The following USP24 variants were observed in gnomAD, a reference collection of about 807,000 sequenced individuals.
USP24 encodes ubiquitin specific peptidase 24, also known as ubiquitin carboxyl-terminal hydrolase 24.
Under a neutral mutation model 361.6 loss-of-function variants are expected in USP24, and 97 were observed. The ratio of observed to expected loss-of-function variants is 0.27; its 90% CI spans 0.23 to 0.32. USP24 has a LOEUF of 0.32. USP24 is among the 10% of genes least tolerant of loss of function. The pLI is 1.00. For synonymous variants in USP24, 1,098 were observed against 1,124.6 expected, an observed-to-expected ratio of 0.98 and a Z score of 0.47; for missense variants, 2,353 against 3,165.6, an observed-to-expected ratio of 0.74 and a Z score of 6.16.
intron 32 of USP24, among the ~76,000 whole-genome samples, chr1:55,125,987 C>T (rs1190955244): frequency 1.3e-5 from 2 of 152,180 alleles, no homozygotes; most frequent in African/African-American, 4.8e-5. Context: ...AACCTATTTT[C>T]AAAAGACCCA....
intron 1 of USP24, among the ~76,000 whole-genome samples, chr1:55,196,730 T>C (rs903348846): frequency 6.6e-6 from 1 of 152,220 alleles, no homozygotes; most frequent in African/African-American, 2.4e-5. Flanking sequence ...TCTCACCAGA[T>C]CATGGTATCT....
intron 2 of USP24, 141 bp downstream of exon 2, chr1:55,177,826 C>G (rs1025549975): frequency 5.4e-6 from 4 of 739,646 alleles, no homozygotes; most frequent in African/African-American, 5.4e-5. Flanking sequence ...CAAAGCTTTT[C>G]TTCTGCAGGA....
chr1:55,170,411 T>C (rs1023784764), intron 5 of USP24, among the ~76,000 whole-genome samples: 6 of 152,184 alleles, frequency 3.9e-5, no homozygotes, highest in African/African-American at 1.4e-4. Flanking sequence ...AGTATTTCTA[T>C]GTGTATTTGT....
At chr1:55,141,553 A>C (rs541707636) in intron 24 of USP24, 63 bp downstream of exon 24, 6 of 1,398,932 alleles carry the variant, frequency 4.3e-6, no homozygotes, top group Admixed American at 2.0e-5. Flanking sequence ...TACATAAAAA[A>C]CACCAATCAT....
chr1:55,141,827 C>G, intron 23 of USP24, 96 bp from the exon 24 acceptor site: 1 of 1,069,090 alleles, frequency 9.4e-7, no homozygotes, highest in Non-Finnish European at 1.4e-6. Context: ...AGAGGGCTGT[C>G]CTGGGCATTC....
Position 55,214,954 on chromosome 1 carries a change from C to A in USP24, c.160G>T (p.Glu54Ter). 7.0e-7 allele frequency: 1 copy of A among 1,422,648 alleles called. No homozygotes were observed. The highest frequency in any genetic ancestry group is 9.2e-7 in the Non-Finnish European group (1 of 1,082,702). 88.1% of individuals were successfully genotyped at this position (1,422,648 alleles called of 1,614,324 possible). Residue 54 changes from glutamate to a stop codon, truncating the protein, a stop_gained, in exon 1 of 68, where the codon GAG becomes TAG. Transcript: ENST00000294383. LOFTEE classifies it high-confidence loss of function. Reference sequence around the variant, plus strand: ...GGGCCACCGCCGCTGTCCATGGGCTCGTAGCCGCCGTAGTCGAGGCCCGGC... The same window carrying A: ...GGGCCACCGCCGCTGTCCATGGGCTAGTAGCCGCCGTAGTCGAGGCCCGGC... Reference protein sequence around the residue: ...ERPGLDYGGYEPMDSGGGPSP... With the variant: ...ERPGLDYGGY
chr1:55,187,781 A>T (rs1324326459), intron 1 of USP24, among the ~76,000 whole-genome samples: 2 of 152,208 alleles, frequency 1.3e-5, no homozygotes, highest in African/African-American at 4.8e-5. Context: ...AAATTATAAG[A>T]ACTAAATAAA....
intron 2 of USP24, 114 bp downstream of exon 2, chr1:55,177,852 AG>A: frequency 1.0e-6 from 1 of 985,104 alleles, no homozygotes. Context: ...GTGAAGACTA[AG>A]AGAATAAATG....
intron 30 of USP24, 104 bp downstream of exon 30, chr1:55,133,963 CATT>C (rs1336966719): frequency 5.6e-6 from 6 of 1,063,354 alleles, no homozygotes; most frequent in African/African-American, 1.6e-5. Flanking sequence ...GAAGAAAAAA[CATT>C]ATGGGAAAGA....
chr1:55,069,455 C>G (rs369346387), intron 67 of USP24, among the ~76,000 whole-genome samples: 11 of 152,336 alleles, frequency 7.2e-5, no homozygotes, highest in Admixed American at 4.6e-4. Context: ...GCCTCCCTGC[C>G]CTGCACCTGC....
At chr1:55,119,884 T>C (rs1248300366) in intron 38 of USP24, among the ~76,000 whole-genome samples, 7 of 152,142 alleles carry the variant, frequency 4.6e-5, no homozygotes, top group Admixed American at 4.6e-4. Flanking sequence ...AGTGTTTCAG[T>C]TTAGGATGAT....
intron 20 of USP24, 52 bp from the exon 21 acceptor site, chr1:55,144,255 A>G (rs746633576): frequency 8.0e-7 from 1 of 1,246,354 alleles, no homozygotes. Flanking sequence ...AACACAGATA[A>G]TCAATGAAAA....
intron 38 of USP24, 116 bp downstream of exon 38, chr1:55,120,480 G>GA: frequency 8.0e-7 from 1 of 1,256,038 alleles, no homozygotes. Flanking sequence ...AATTTCAGAA[G>GA]AAGAAAGAAA....
rs1393766656 is a variant in USP24, at chr1:55,214,910, CCCGCCGGGCCCGGGGCTGGGGCCA to C, written c.180_203del (p.Ser63_Pro70del). On this transcript the variant is annotated inframe_deletion, in exon 1 of 68. Transcript: ENST00000294383. ...CACCTCCGCCGTCGCCCCGCGGGCC[CCCGCCGGGCCCGGGGCTGGGGCCA>C]CCGCCGCTGTCCATGGGCTCGTAGC... is the stretch of plus-strand genomic sequence containing the variant. 5 of 1,289,494 alleles carry C rather than the reference CCCGCCGGGCCCGGGGCTGGGGCCA, an allele frequency of 3.9e-6. No homozygotes were observed. The highest frequency in any genetic ancestry group is 6.7e-5 in the Admixed American group (2 of 29,828). The allele number at this position is 1,289,494 out of a possible 1,614,324, so 79.9% of individuals were successfully genotyped here.
At chr1:55,082,424 T>C (rs1011571073) in intron 58 of USP24, among the ~76,000 whole-genome samples, 3 of 152,224 alleles carry the variant, frequency 2.0e-5, no homozygotes, top group Non-Finnish European at 4.4e-5. Flanking sequence ...TAGCATTTCA[T>C]GTATTTTGAA....
intron 49 of USP24, 97 bp downstream of exon 49, chr1:55,096,855 T>C (rs1340912399): frequency 1.1e-5 from 16 of 1,456,552 alleles, no homozygotes; most frequent in South Asian, 3.9e-5. Context: ...TCAAGAACAA[T>C]GCCAAAGTGT....
chr1:55,187,337 A>T (rs569753776), intron 1 of USP24, among the ~76,000 whole-genome samples: 1 of 152,342 alleles, frequency 6.6e-6, no homozygotes, highest in South Asian at 2.1e-4. Context: ...TACAGTGAAC[A>T]TCATATTTAA....
At chr1:55,142,256 T>A (rs1250650058) in intron 23 of USP24, among the ~76,000 whole-genome samples, 1 of 152,148 alleles carries the variant, frequency 6.6e-6, no homozygotes, top group Non-Finnish European at 1.5e-5. Flanking sequence ...GAGATACATG[T>A]GAGCTAGCAT....
At chr1:55,070,496 C>T (rs183688303) in intron 67 of USP24, among the ~76,000 whole-genome samples, 110 of 152,200 alleles carry the variant, frequency 7.2e-4, no homozygotes, top group Admixed American at 2.0e-3. Flanking sequence ...TAGATGCTGC[C>T]GAGCAGTCGG....
Sources: gnomAD v4.1 joint callset for allele counts (sites outside exome capture counted in the v4.1 genomes callset) on GRCh38, gnomAD v4.1.1 for gene constraint, MANE v1.5 for transcripts, NCBI Gene and HGNC (gene_info 2026-07-23, HGNC 2026-07-21) for gene names.